Variants in FAM222B observed in about 807,000 individuals in gnomAD.
FAM222B encodes protein FAM222B.
In FAM222B, 12 loss-of-function variants were observed where a neutral mutation model predicts 38.0. The observed-to-expected ratio is 0.32, with a 90% CI of 0.20 to 0.51. FAM222B has a LOEUF of 0.51. Ranked by LOEUF, FAM222B falls within the 20% of genes least tolerant of loss-of-function variation. The probability of loss-of-function intolerance (pLI) is 0.97; values close to 1 mark genes in which losing one functional copy is unlikely to be tolerated. For synonymous variants in FAM222B, 329 were observed against 317.2 expected, an observed-to-expected ratio of 1.04 and a Z score of -0.40; for missense variants, 716 against 754.2, an observed-to-expected ratio of 0.95 and a Z score of 0.59.
At chr17:28,790,445 TA>T (rs1675439766) in intron 1 of FAM222B, 1 of 152,230 alleles carries the variant, frequency 6.6e-6, no homozygotes, top group Admixed American at 6.5e-5. Flanking sequence ...ATATGTTACC[TA>T]AATTAAACAC....
At chr17:28,800,710 C>T (rs1406919317) in intron 1 of FAM222B, among the ~76,000 whole-genome samples, 2 of 152,066 alleles carry the variant, frequency 1.3e-5, no homozygotes, top group Non-Finnish European at 2.9e-5. Context: ...TATCACTCTC[C>T]AATTGCACCA....
At chr17:28,852,931 C>T (rs946783631) in intron 1 of FAM222B, among the ~76,000 whole-genome samples, 5 of 152,046 alleles carry the variant, frequency 3.3e-5, no homozygotes, top group Non-Finnish European at 4.4e-5. Flanking sequence ...AGGTGGCTGA[C>T]GCCTGTAATC....
At chr17:28,809,054 A>G (rs1324038849) in intron 1 of FAM222B, among the ~76,000 whole-genome samples, 1 of 152,132 alleles carries the variant, frequency 6.6e-6, no homozygotes, top group Non-Finnish European at 1.5e-5. Flanking sequence ...GCCGTGACTC[A>G]CAGAAATAAG....
chr17:28,851,503 C>T (rs1567915858), intron 1 of FAM222B, among the ~76,000 whole-genome samples: 1 of 152,048 alleles, frequency 6.6e-6, no homozygotes, highest in Non-Finnish European at 1.5e-5. Flanking sequence ...CATTGCACTC[C>T]AGCCTGGGAG....
chr17:28,779,778 A>C (rs1259296126), intron 1 of FAM222B, among the ~76,000 whole-genome samples: 1 of 151,434 alleles, frequency 6.6e-6, no homozygotes, highest in Non-Finnish European at 1.5e-5. Context: ...AAATAAATAA[A>C]TAAATAAATA....
At chr17:28,844,762 G>C (rs970526028), upstream of FAM222B, among the ~76,000 whole-genome samples, 3 of 152,096 alleles carry the variant, frequency 2.0e-5, no homozygotes, top group African/African-American at 4.8e-5. Flanking sequence ...CCAGGAGTTA[G>C]AGACCAGCCT....
At position 28,759,221 on chromosome 17, in the gene FAM222B, G is replaced by C; in HGVS notation, c.738C>G (p.Thr246=). ...CCGCCATTGAAAGGGGGATAGTTGA[G>C]GTAGACACGGTCACATTCGGGGGGG... ...SDAPPNVTVS[T]STIPLSMAAT... Residue 246 remains threonine (T), a synonymous_variant, in exon 3 of 3, where the codon ACC becomes ACG. Transcript: ENST00000581407. This position sits in a 1 kb window ranked among gnomAD's most constrained non-coding sequence, Gnocchi z 4.8. 6.2e-7 allele frequency: 1 copy of C among 1,613,692 alleles called. No individual in the cohort carries two copies. Among genetic ancestry groups the C allele is most frequent in the Non-Finnish European group, 8.5e-7 (1 of 1,179,810 alleles).
chr17:28,771,693 A>G (rs1024592053), intron 1 of FAM222B, among the ~76,000 whole-genome samples: 1 of 152,144 alleles, frequency 6.6e-6, no homozygotes, highest in Non-Finnish European at 1.5e-5. Context: ...CATGAAAAAC[A>G]TGAACAGCCG....
chr17:28,779,453 C>A (rs1285606690), intron 1 of FAM222B, among the ~76,000 whole-genome samples: 1 of 152,002 alleles, frequency 6.6e-6, no homozygotes, highest in Non-Finnish European at 1.5e-5. Context: ...ACAACAGATG[C>A]AAAAAAGCAT....
chr17:28,833,187 T>C (rs2038725342), intron 1 of FAM222B, among the ~76,000 whole-genome samples: 1 of 151,630 alleles, frequency 6.6e-6, no homozygotes, highest in Non-Finnish European at 1.5e-5. Flanking sequence ...CACGCGCCTG[T>C]AGTCCCAGCT....
intron 1 of FAM222B, among the ~76,000 whole-genome samples, chr17:28,826,062 T>C (rs1398014213): frequency 7.0e-6 from 1 of 141,846 alleles, no homozygotes; most frequent in Non-Finnish European, 1.5e-5. Flanking sequence ...TGCCCGGCCA[T>C]TAACTGTTTT....
chr17:28,814,650 C>T (rs1209087587), intron 1 of FAM222B, among the ~76,000 whole-genome samples: 1 of 151,988 alleles, frequency 6.6e-6, no homozygotes, highest in Non-Finnish European at 1.5e-5. Context: ...TATTTTTACT[C>T]GAGACGGGGT....
chr17:28,814,918 C>T (rs1307242279), intron 1 of FAM222B, among the ~76,000 whole-genome samples: 3 of 151,208 alleles, frequency 2.0e-5, no homozygotes, highest in African/African-American at 7.3e-5. Flanking sequence ...GGATTACAGG[C>T]ACGAGCCACC....
intron 1 of FAM222B, among the ~76,000 whole-genome samples, chr17:28,780,800 T>C (rs1487603580): frequency 6.6e-6 from 1 of 151,834 alleles, no homozygotes; most frequent in Non-Finnish European, 1.5e-5. Flanking sequence ...GAGAATCGCC[T>C]GAACTTGGGA....
chr17:28,785,737 G>C (rs190526011), intron 1 of FAM222B, among the ~76,000 whole-genome samples: 1 of 144,680 alleles, frequency 6.9e-6, no homozygotes, highest in Admixed American at 7.1e-5. Context: ...TTTCACTCTT[G>C]TAGCCTAGGC....
chr17:28,820,559 C>T (rs1006144319), intron 1 of FAM222B, among the ~76,000 whole-genome samples: 1 of 152,104 alleles, frequency 6.6e-6, no homozygotes, highest in African/African-American at 2.4e-5. Context: ...CCCATCAGGC[C>T]TTTAAACATT....
chr17:28,773,591 G>C (rs1488991775), intron 1 of FAM222B, among the ~76,000 whole-genome samples: 2 of 151,100 alleles, frequency 1.3e-5, no homozygotes, highest in Non-Finnish European at 2.9e-5. Flanking sequence ...ATTAGGTCAG[G>C]AGTTTGAGAC....
At chr17:28,765,590 C>G (rs2035292458) in intron 2 of FAM222B, among the ~76,000 whole-genome samples, 1 of 152,150 alleles carries the variant, frequency 6.6e-6, no homozygotes. Flanking sequence ...AAATTTAGGG[C>G]TGTTTTTACA....
chr17:28,761,202 G>A (rs758045918), intron 2 of FAM222B, among the ~76,000 whole-genome samples: 13 of 152,228 alleles, frequency 8.5e-5, no homozygotes, highest in Non-Finnish European at 1.9e-4. Flanking sequence ...GGGGCTCAGC[G>A]GATGTCCGGC....
Sources: gnomAD v4.1 joint callset for allele counts (sites outside exome capture counted in the v4.1 genomes callset) on GRCh38, gnomAD v4.1.1 for gene constraint, Gnocchi (gnomAD v3.1) non-coding constraint, MANE v1.5 for transcripts, NCBI Gene and HGNC (gene_info 2026-07-23, HGNC 2026-07-21) for gene names.